GMCL1: variants seen among roughly 807,000 people sequenced by gnomAD.
GMCL1 encodes germ cell-less 1, spermatogenesis associated, also known as germ cell-less protein-like 1.
Under a neutral mutation model 75.5 loss-of-function variants are expected in GMCL1, and 54 were observed. The ratio of observed to expected loss-of-function variants is 0.71; its 90% confidence interval spans 0.57 to 0.90. GMCL1 has a LOEUF of 0.90. GMCL1 is among the 40% of genes least tolerant of loss of function. GMCL1 has a pLI of 0.00. For missense variants in GMCL1, 537 were observed against 622.7 expected, an observed-to-expected ratio of 0.86 and a Z score of 1.47; for synonymous variants, 210 against 209.6, an observed-to-expected ratio of 1.00 and a Z score of -0.02.
In GMCL1 at chr2:69,879,037, G is replaced by A. The variant is rs1203847965; in HGVS notation, c.*33G>A. 1 of 1,395,984 alleles carries A rather than the reference G, an allele frequency of 7.2e-7. No homozygotes were observed. The highest frequency in any genetic ancestry group is 1.0e-6 in the Non-Finnish European group (1 of 988,542). 86.5% of individuals were successfully genotyped at this position (1,395,984 alleles called of 1,614,324 possible). A position where few individuals can be genotyped will look rare whatever the true frequency, so the allele number is the denominator to read the frequency against. Reference sequence around the variant, plus strand: ...CGTCACCCAGAAAATCCAGAAAACTGAAGATTTCATCAGTTGGAAACAGTA... The same window carrying A: ...CGTCACCCAGAAAATCCAGAAAACTAAAGATTTCATCAGTTGGAAACAGTA... On this transcript the variant is annotated 3_prime_UTR_variant, in exon 14 of 14. Transcript: ENST00000282570.
chr2:69,871,736 T>C lies in GMCL1; in HGVS notation c.1365-9T>C. On this transcript the variant is annotated splice_polypyrimidine_tract_variant and intron_variant, in intron 12 of 13. Coordinates refer to ENST00000282570, the MANE Select transcript of GMCL1 (RefSeq NM_178439.5). Reference sequence around the variant, plus strand: ...TTGTGTTTATTTTTTATTTTTTTTTTAATCCTAGATTACGTTTGGCTTCTT... The same window carrying C: ...TTGTGTTTATTTTTTATTTTTTTTTCAATCCTAGATTACGTTTGGCTTCTT... 2 of 1,413,634 alleles carry C rather than the reference T, an allele frequency of 1.4e-6. No homozygotes were observed. The highest frequency in any genetic ancestry group is 2.3e-5 in the East Asian group (1 of 43,476). 87.6% of individuals were successfully genotyped at this position (1,413,634 alleles called of 1,614,324 possible).
At chr2:69,833,771 C>T (rs907715994) in intron 1 of GMCL1, among the ~76,000 whole-genome samples, 4 of 152,218 alleles carry the variant, frequency 2.6e-5, no homozygotes, top group Admixed American at 2.0e-4. Context: ...CAACTTCCAC[C>T]TCATACCTTT....
chr2:69,870,089 A>G (rs1439245998), intron 12 of GMCL1, among the ~76,000 whole-genome samples: 1 of 149,588 alleles, frequency 6.7e-6, no homozygotes, highest in Non-Finnish European at 1.5e-5. Context: ...ATATACCAGT[A>G]GGGAATATCA....
intron 8 of GMCL1, among the ~76,000 whole-genome samples, chr2:69,850,588 C>G (rs186028440): frequency 1.7e-4 from 26 of 152,280 alleles, no homozygotes; most frequent in African/African-American, 5.8e-4. Flanking sequence ...GTCCCTCTGA[C>G]TTTTCCTAAC....
At chr2:69,832,082 G>A (rs936812500) in intron 1 of GMCL1, among the ~76,000 whole-genome samples, 1 of 152,108 alleles carries the variant, frequency 6.6e-6, no homozygotes, top group African/African-American at 2.4e-5. Context: ...CTAACCAGTC[G>A]TGGTGGCAGC....
intron 10 of GMCL1, among the ~76,000 whole-genome samples, chr2:69,863,304 T>C (rs892843772): frequency 1.8e-4 from 27 of 152,230 alleles, no homozygotes; most frequent in African/African-American, 6.5e-4. Flanking sequence ...AAGGGTCAAC[T>C]GTATATGATA....
intron 1 of GMCL1, 29 bp downstream of exon 1, chr2:69,830,181 C>A: frequency 2.6e-6 from 4 of 1,543,916 alleles, no homozygotes; most frequent in Non-Finnish European, 3.5e-6. Context: ...CCGCGCGGAC[C>A]CGGACCCGCA....
intron 1 of GMCL1, among the ~76,000 whole-genome samples, chr2:69,834,433 G>T (rs1224751632): frequency 6.6e-6 from 1 of 152,168 alleles, no homozygotes; most frequent in Non-Finnish European, 1.5e-5. Context: ...CCAAGGAAGG[G>T]TGCAAAAGGG....
intron 13 of GMCL1, 30 bp downstream of exon 13, chr2:69,871,862 C>T (rs377381028): frequency 2.0e-4 from 262 of 1,286,284 alleles, no homozygotes; most frequent in Non-Finnish European, 2.8e-4. Flanking sequence ...GGTATGTCAT[C>T]ATAATATTTG....
intron 9 of GMCL1, among the ~76,000 whole-genome samples, chr2:69,858,486 T>C (rs1031790434): frequency 1.3e-5 from 2 of 152,252 alleles, no homozygotes; most frequent in Non-Finnish European, 2.9e-5. Flanking sequence ...TCTGGCAAAC[T>C]CTTCCTAGTG....
Position 69,847,960 on chromosome 2 carries a change from TTAA to T in GMCL1, c.843+335_843+337del, listed in dbSNP as rs370835917. 2.7e-3 allele frequency among the ~76,000 whole-genome samples: 418 copies of T among 152,368 alleles called. 15 individuals carry two copies. The South Asian group carries it at 0.077, about 28-fold the overall frequency. On this transcript the variant is annotated intron_variant, in intron 7 of 13. Coordinates refer to ENST00000282570, the MANE Select transcript of GMCL1 (RefSeq NM_178439.5). Reference sequence around the variant, plus strand: ...GAACGTTTTCAAAGTTGAGCTTCAGTTAATGATGGCATTTTTACACACGCTTTT... The same window carrying T: ...GAACGTTTTCAAAGTTGAGCTTCAGTTGATGGCATTTTTACACACGCTTTT...
intron 9 of GMCL1, 78 bp downstream of exon 9, chr2:69,855,038 AAAG>A: frequency 8.9e-7 from 1 of 1,124,550 alleles, no homozygotes; most frequent in Non-Finnish European, 1.3e-6. Context: ...AAGAACAAGG[AAAG>A]AAGTAGAAAT....
intron 8 of GMCL1, among the ~76,000 whole-genome samples, chr2:69,850,103 C>A (rs1411158121): frequency 6.6e-6 from 1 of 152,168 alleles, no homozygotes; most frequent in African/African-American, 2.4e-5. Flanking sequence ...ACAAGCTATA[C>A]CCCGTCAGGC....
chr2:69,878,995 A>T lies in GMCL1; in HGVS notation c.1539A>T (p.Lys513Asn). 6.4e-7 allele frequency: 1 copy of T among 1,570,632 alleles called. No homozygotes were observed. The highest frequency in any genetic ancestry group is 8.7e-7 in the Non-Finnish European group (1 of 1,143,284). Residue 513 changes from lysine (K) to asparagine (N), a missense_variant, in exon 14 of 14, where the codon AAA becomes AAT. By Grantham distance (94) the Lys-to-Asn change is moderately conservative (BLOSUM62 0). Coordinates refer to ENST00000282570, the MANE Select transcript of GMCL1 (RefSeq NM_178439.5). ...ACTTCTTGTATATATCACCAGAAAAAAAGAATTGAAAATAATCGTCACCCA... is the reference window on the plus strand; with the variant it reads ...ACTTCTTGTATATATCACCAGAAAATAAGAATTGAAAATAATCGTCACCCA... ...CCNFLYISPE[K>N]KN is the part of the protein sequence containing the mutation.
At position 69,868,974 on chromosome 2, in the gene GMCL1, G is replaced by A. The variant is rs146505262; in HGVS notation, c.1219-745G>A. On this transcript the variant is annotated intron_variant, in intron 11 of 13. Transcript: ENST00000282570. ...ACTCAAAATACAAAAAAAAAAGGCC[G>A]GGCACAGTGGCTTACACTTTGTAGT... is the stretch of plus-strand genomic sequence containing the variant. Among the ~76,000 whole-genome samples, 313 of 150,832 alleles carry A rather than the reference G, an allele frequency of 2.1e-3. 2 individuals carry two copies. Among genetic ancestry groups the A allele is most frequent in the African/African-American group, 7.0e-3 (287 of 41,176 alleles).
chr2:69,851,689 G>C (rs1675325311), intron 8 of GMCL1, among the ~76,000 whole-genome samples: 1 of 151,974 alleles, frequency 6.6e-6, no homozygotes, highest in Admixed American at 6.6e-5. Context: ...CCTGACCCTG[G>C]GGGTGTCAGG....
At chr2:69,878,805 C>A in intron 13 of GMCL1, 104 bp from the exon 14 acceptor site, 1 of 792,408 alleles carries the variant, frequency 1.3e-6, no homozygotes, top group Non-Finnish European at 2.2e-6. Context: ...AGTTGTGGAT[C>A]TCAGACTCAG....
chr2:69,873,352 T>C (rs1676036033), intron 13 of GMCL1, among the ~76,000 whole-genome samples: 1 of 152,192 alleles, frequency 6.6e-6, no homozygotes, highest in South Asian at 2.1e-4. Flanking sequence ...CCGTGTTTTA[T>C]ATAGGTTATA....
chr2:69,832,032 C>T (rs1413182584), intron 1 of GMCL1, among the ~76,000 whole-genome samples: 1 of 152,136 alleles, frequency 6.6e-6, no homozygotes, highest in African/African-American at 2.4e-5. Flanking sequence ...ACCAGCCTGG[C>T]CAACATGGCG....
Sources: allele counts gnomAD v4.1 joint callset (sites outside exome capture counted in the v4.1 genomes callset), GRCh38; gene constraint gnomAD v4.1.1; transcripts MANE v1.5; gene names NCBI Gene and HGNC (gene_info 2026-07-23, HGNC 2026-07-21).